The following ACKR2 variants were observed in gnomAD, a reference collection of about 807,000 sequenced individuals.
ACKR2 encodes atypical chemokine receptor 2, also known as C-C chemokine receptor D6.
For missense variants in ACKR2, 457 were observed against 477.3 expected, an observed-to-expected ratio of 0.96 and a Z score of 0.40; for synonymous variants, 207 against 192.2, an observed-to-expected ratio of 1.08 and a Z score of -0.64.
chr3:42,811,608 G>A (rs1018631824), intron 1 of ACKR2, among the ~76,000 whole-genome samples: 1 of 152,140 alleles, frequency 6.6e-6, no homozygotes, highest in African/African-American at 2.4e-5. Flanking sequence ...CCTGTCACCC[G>A]TAAAGGGTCT....
At chr3:42,817,554 T>C (rs569244089) in intron 1 of ACKR2, among the ~76,000 whole-genome samples, 102 of 152,240 alleles carry the variant, frequency 6.7e-4, no homozygotes, top group Non-Finnish European at 1.3e-3. Context: ...CTCTCTCACC[T>C]GTAATTTCAG....
At chr3:42,857,856 C>A (rs1316148386) in intron 2 of ACKR2, among the ~76,000 whole-genome samples, 5 of 152,224 alleles carry the variant, frequency 3.3e-5, no homozygotes, top group African/African-American at 1.2e-4. Context: ...TCTGCCATTA[C>A]TGAGGCTTGA....
Position 42,863,540 on chromosome 3 carries a change from A to G in ACKR2, c.-37-926A>G, listed in dbSNP as rs537317091. Among the ~76,000 whole-genome samples the G allele has an allele frequency of 5.9e-5, 9 of 152,346 alleles. No individual in the cohort carries two copies. In the East Asian group the frequency reaches 1.7e-3, roughly 29 times the overall value. On this transcript the variant is annotated intron_variant, in intron 2 of 2. Transcript: ENST00000422265. ...TACCCAAAGGATTATTAATCATTCT[A>G]CTATAAAGACACATGCACACATATG...
chr3:42,833,910 C>T (rs1021037407), intron 2 of ACKR2, among the ~76,000 whole-genome samples: 2 of 151,956 alleles, frequency 1.3e-5, no homozygotes, highest in Non-Finnish European at 2.9e-5. Flanking sequence ...CACTTTGTGT[C>T]TCTGTGTCAC....
chr3:42,844,457 G>C (rs1257344639), intron 2 of ACKR2, among the ~76,000 whole-genome samples: 1 of 152,158 alleles, frequency 6.6e-6, no homozygotes, highest in East Asian at 1.9e-4. Context: ...CTTGGTGGGG[G>C]GCAGGGAACA....
intron 1 of ACKR2, 101 bp from the exon 2 acceptor site, chr3:42,819,530 C>CTCTTTCCAGTAGAA (rs1443097081): frequency 6.6e-6 from 1 of 151,930 alleles, no homozygotes; most frequent in South Asian, 2.1e-4. Flanking sequence ...TGTTTCCTGG[C>CTCTTTCCAGTAGAA]ACACGGTATG....
At chr3:42,848,943 A>G (rs1176817997) in intron 2 of ACKR2, among the ~76,000 whole-genome samples, 2 of 152,222 alleles carry the variant, frequency 1.3e-5, no homozygotes, top group East Asian at 3.8e-4. Flanking sequence ...GGGACATTCT[A>G]CAAATGAACT....
At chr3:42,830,125 T>C (rs1344803073) in intron 2 of ACKR2, among the ~76,000 whole-genome samples, 1 of 152,204 alleles carries the variant, frequency 6.6e-6, no homozygotes, top group Non-Finnish European at 1.5e-5. Context: ...GCTTCCTCTT[T>C]CCTGCCTAAC....
Position 42,864,563 on chromosome 3 carries a change from A to T in ACKR2, c.61A>T (p.Ser21Cys). Residue 21 changes from serine (S) to cysteine (C), a missense_variant, in exon 3 of 3, where the codon AGC becomes TGC. Coordinates refer to ENST00000422265, the MANE Select transcript of ACKR2 (RefSeq NM_001296.5). ...ATEDADSENS[S>C]FYYYDYLDEV... ...TGAGGATGCCGATTCTGAGAATAGC[A>T]GCTTCTATTACTATGACTACCTGGA... The T allele has an allele frequency of 6.2e-7, 1 of 1,613,690 alleles. No homozygotes were observed. The highest frequency in any genetic ancestry group is 8.5e-7 in the Non-Finnish European group (1 of 1,179,768).
intron 1 of ACKR2, among the ~76,000 whole-genome samples, chr3:42,810,411 C>T (rs1179087466): frequency 6.6e-6 from 1 of 151,484 alleles, no homozygotes; most frequent in African/African-American, 2.4e-5. Context: ...CATAGTACCC[C>T]CCCCCAATTT....
At chr3:42,813,445 C>T (rs1700714967) in intron 1 of ACKR2, among the ~76,000 whole-genome samples, 1 of 152,174 alleles carries the variant, frequency 6.6e-6, no homozygotes, top group Non-Finnish European at 1.5e-5. Context: ...AAGGAGGCCT[C>T]AGGAAACTTA....
At chr3:42,821,603 T>A (rs945775381) in intron 2 of ACKR2, among the ~76,000 whole-genome samples, 1 of 152,212 alleles carries the variant, frequency 6.6e-6, no homozygotes, top group Non-Finnish European at 1.5e-5. Flanking sequence ...CAGTACTGTT[T>A]AGCTCATGCC....
intron 2 of ACKR2, among the ~76,000 whole-genome samples, chr3:42,822,101 G>A (rs2125604906): frequency 6.6e-6 from 1 of 151,142 alleles, no homozygotes; most frequent in African/African-American, 2.4e-5. Context: ...ATACAACTTA[G>A]GTTTACATCT....
intron 2 of ACKR2, among the ~76,000 whole-genome samples, chr3:42,821,654 G>A (rs1700810324): frequency 6.6e-6 from 1 of 151,808 alleles, no homozygotes; most frequent in East Asian, 1.9e-4. Flanking sequence ...TTTTCTTTTT[G>A]CTGCCTATGC....
chr3:42,815,194 A>C (rs1700737298), intron 1 of ACKR2, among the ~76,000 whole-genome samples: 1 of 152,200 alleles, frequency 6.6e-6, no homozygotes, highest in Non-Finnish European at 1.5e-5. Context: ...GTGAAATAGA[A>C]TGGATTAGAA....
rs1323655114 is a variant in ACKR2 at position 42,865,631 on chromosome 3, G to T, written c.1129G>T (p.Glu377Ter). ...GCAGTCTGAGAACTACCCTAACAAG[G>T]AGGATGTGGGGAATAAATCAGCCTG... ...ERQSENYPNKEDVGNKSA is the reference protein window; with the variant it reads ...ERQSENYPNK The change falls in exon 3 of 3, where the codon GAG (glutamate) becomes TAG (stop). Residue 377 changes from glutamate to a stop codon, truncating the protein, a stop_gained. Transcript: ENST00000422265. LOFTEE classifies it low-confidence loss of function (END_TRUNC). 1.9e-6 allele frequency: 3 copies of T among 1,612,186 alleles called. No individual in the cohort carries two copies. The South Asian group carries it at 3.3e-5, about 18-fold the overall frequency.
chr3:42,864,697 C>T lies in ACKR2; in HGVS notation c.195C>T (p.Leu65=). The change falls in exon 3 of 3, where the codon CTC becomes CTT. Residue 65 remains leucine, a synonymous_variant. Coordinates refer to ENST00000422265, the MANE Select transcript of ACKR2 (RefSeq NM_001296.5). The part of the protein sequence containing the change: ...LIFVLGLSGN[L]LLLMVLLRYV... ...TTGTGTTGGGCCTCAGCGGGAACCT[C>T]CTTCTTCTCATGGTCTTGCTCCGTT... 6.2e-7 allele frequency: 1 copy of T among 1,614,176 alleles called. No homozygotes were observed. Among genetic ancestry groups the T allele is most frequent in the Non-Finnish European group, 8.5e-7 (1 of 1,180,030 alleles).
chr3:42,821,350 C>A (rs2125604476), intron 2 of ACKR2, among the ~76,000 whole-genome samples: 1 of 152,330 alleles, frequency 6.6e-6, no homozygotes, highest in South Asian at 2.1e-4. Flanking sequence ...CCACATACAG[C>A]TGCTCAGTCT....
In ACKR2 at chr3:42,866,726, C is replaced by T. The variant is rs971811817; in HGVS notation, c.*1069C>T. ...GTCTCAATTAGCGTTATTGGCAATTCTAGAATCAGGCAACAGACTCATTGA... is the reference window on the plus strand; with the variant it reads ...GTCTCAATTAGCGTTATTGGCAATTTTAGAATCAGGCAACAGACTCATTGA... On this transcript the variant is annotated 3_prime_UTR_variant, in exon 3 of 3. Coordinates refer to ENST00000422265, the MANE Select transcript of ACKR2 (RefSeq NM_001296.5). 3.0e-5 allele frequency: 5 copies of T among 166,960 alleles called. No homozygotes were observed. Among genetic ancestry groups the T allele is most frequent in the African/African-American group, 1.2e-4 (5 of 41,384 alleles). The allele number at this position is 166,960 out of a possible 1,614,324, so 10.3% of individuals were successfully genotyped here.
Sources: allele counts gnomAD v4.1 joint callset (sites outside exome capture counted in the v4.1 genomes callset), GRCh38; gene constraint gnomAD v4.1.1; transcripts MANE v1.5; gene names NCBI Gene and HGNC (gene_info 2026-07-23, HGNC 2026-07-21).